Variants in FAM81B observed in about 807,000 individuals in gnomAD.
The protein encoded by FAM81B is protein FAM81B.
In FAM81B, 60 loss-of-function variants were observed where a neutral mutation model predicts 58.7. The ratio of observed to expected loss-of-function variants is 1.02; its 90% CI spans 0.83 to 1.27. The LOEUF (loss-of-function observed/expected upper bound fraction) is 1.27, where lower values mean the gene tolerates loss of function less well. Ranked by LOEUF, FAM81B falls within the 50% of genes most tolerant of loss-of-function variation. FAM81B has a pLI of 0.00. For missense variants in FAM81B, 491 were observed against 522.0 expected (o/e 0.94, Z 0.58); for synonymous variants, 189 against 179.6 (o/e 1.05, Z -0.42).
At chr5:95,432,217 C>T (rs1322120285) in intron 6 of FAM81B, among the ~76,000 whole-genome samples, 2 of 151,834 alleles carry the variant, frequency 1.3e-5, no homozygotes, top group African/African-American at 2.4e-5. Flanking sequence ...ATTATTAAAC[C>T]ATCCTTGCAT....
intron 4 of FAM81B, among the ~76,000 whole-genome samples, 163 bp downstream of exon 4, chr5:95,414,353 T>A (rs1050907630): frequency 3.9e-5 from 6 of 152,196 alleles, no homozygotes; most frequent in Admixed American, 3.3e-4. Flanking sequence ...AACAGTTCAA[T>A]TTTTCAGCTG....
In FAM81B at chr5:95,424,331, A is replaced by T. The variant is rs150139207; in HGVS notation, c.656+3929A>T. On this transcript the variant is annotated intron_variant, in intron 5 of 9. Coordinates refer to ENST00000283357, the MANE Select transcript of FAM81B (RefSeq NM_152548.3). ...CAGACAGATAATAGATACATAAAAC[A>T]TAAGCAAAAGACTAGTGAATACACT... 9.0e-4 allele frequency: 850 copies of T among 945,554 alleles called. 6 individuals are homozygous for T. The African/African-American group carries it at 0.013, about 15-fold the overall frequency. The allele number at this position is 945,554 out of a possible 1,614,324, so 58.6% of individuals were successfully genotyped here. A position where few individuals can be genotyped will look rare whatever the true frequency, so the allele number is the denominator to read the frequency against.
intron 3 of FAM81B, among the ~76,000 whole-genome samples, chr5:95,406,778 A>G (rs1762258649): frequency 6.6e-6 from 1 of 152,128 alleles, no homozygotes; most frequent in South Asian, 2.1e-4. Flanking sequence ...ACATTTATTC[A>G]ACATTTTTGT....
intron 4 of FAM81B, among the ~76,000 whole-genome samples, chr5:95,418,217 T>A (rs1762586192): frequency 6.6e-6 from 1 of 152,208 alleles, no homozygotes; most frequent in Non-Finnish European, 1.5e-5. Context: ...CAGTAGCCTG[T>A]TGGTTACCAG....
chr5:95,450,061 A>G, intron 9 of FAM81B, 88 bp from the exon 10 acceptor site: 1 of 1,404,426 alleles, frequency 7.1e-7, no homozygotes, highest in Non-Finnish European at 9.6e-7. Context: ...ATGATAATCA[A>G]TTATGGCAGG....
chr5:95,420,031 T>G (rs1249413392), intron 4 of FAM81B, among the ~76,000 whole-genome samples: 1 of 152,198 alleles, frequency 6.6e-6, no homozygotes, highest in African/African-American at 2.4e-5. Flanking sequence ...ATATAAAATC[T>G]GGATTTCTAG....
At position 95,436,803 on chromosome 5, in the gene FAM81B, A is replaced by T; in HGVS notation, c.790A>T (p.Met264Leu). Residue 264 changes from methionine (M) to leucine (L), a missense_variant, in exon 7 of 10, where the codon ATG (methionine) becomes TTG (leucine). Physicochemically the swap from Met to Leu is conservative, Grantham distance 15 (BLOSUM62 2). Transcript: ENST00000283357. ...AACCCTCTCGTACTTTGACTAGGTG[A>T]TGCAGCTCTTAGGAAAGATAGAAAC... ...TLSKNLDMKV[M>L]QLLGKIETAS... The T allele has an allele frequency of 1.2e-6, 2 of 1,608,158 alleles. No homozygotes were observed. Among genetic ancestry groups the T allele is most frequent in the Non-Finnish European group, 1.7e-6 (2 of 1,174,544 alleles).
chr5:95,436,627 G>A (rs985274971), intron 6 of FAM81B, among the ~76,000 whole-genome samples, 173 bp from the exon 7 acceptor site: 4 of 152,130 alleles, frequency 2.6e-5, no homozygotes, highest in African/African-American at 9.7e-5. Context: ...ATACTCATTT[G>A]AACACAAGGC....
intron 8 of FAM81B, among the ~76,000 whole-genome samples, chr5:95,446,952 A>T (rs74662437): frequency 0.069 from 9,269 of 133,562 alleles, 322 homozygotes; most frequent in South Asian, 0.12. Context: ...TTTTTTTTTT[A>T]AAAAAAAAAA....
intron 3 of FAM81B, among the ~76,000 whole-genome samples, chr5:95,408,146 G>T (rs1178583805): frequency 1.3e-5 from 2 of 149,678 alleles, no homozygotes; most frequent in East Asian, 3.9e-4. Context: ...AGAAAGAGAA[G>T]AATCTGATTA....
At chr5:95,402,437 C>T (rs1349377181) in intron 3 of FAM81B, among the ~76,000 whole-genome samples, 1 of 152,108 alleles carries the variant, frequency 6.6e-6, no homozygotes, top group Admixed American at 6.5e-5. Flanking sequence ...AATAGTAAAT[C>T]CCAGGCCTGA....
chr5:95,436,907 G>A lies in FAM81B; in HGVS notation c.893+1G>A, dbSNP rs768772209. On this transcript the variant is annotated splice_donor_variant, in intron 7 of 9. Transcript: ENST00000283357. LOFTEE classifies it high-confidence loss of function. ...ACGAAATGAACCTTTTGGAATTCAAGTAAGTGAATAGAAGATTTTTAATTC... is the reference window on the plus strand; with the variant it reads ...ACGAAATGAACCTTTTGGAATTCAAATAAGTGAATAGAAGATTTTTAATTC... 1 of 1,607,082 alleles carries A rather than the reference G, an allele frequency of 6.2e-7. No homozygotes were observed. Among genetic ancestry groups the A allele is most frequent in the Non-Finnish European group, 8.5e-7 (1 of 1,173,698 alleles).
chr5:95,394,022 C>A (rs138615998), intron 2 of FAM81B, among the ~76,000 whole-genome samples: 7 of 152,084 alleles, frequency 4.6e-5, no homozygotes, highest in African/African-American at 1.7e-4. Context: ...GTCTTAGATA[C>A]CTAAAAATTA....
intron 6 of FAM81B, among the ~76,000 whole-genome samples, chr5:95,431,140 CT>C: frequency 6.6e-6 from 1 of 152,080 alleles, no homozygotes; most frequent in East Asian, 1.9e-4. Flanking sequence ...TGTCATAGGT[CT>C]TTGGTTTTTG....
chr5:95,435,265 T>C lies in FAM81B; in HGVS notation c.787-1535T>C, dbSNP rs1035477155. Among the ~76,000 whole-genome samples the C allele has an allele frequency of 3.9e-5, 6 of 152,148 alleles. No homozygotes were observed. In the South Asian group the frequency reaches 1.2e-3, roughly 32 times the overall value. On this transcript the variant is annotated intron_variant, in intron 6 of 9. Transcript: ENST00000283357. ...GTGAAACACTAAAATCAAGAGTGGG[T>C]TTTTTGTTGCTTTTTTTTTACTCAA...
chr5:95,406,637 T>C (rs1168675486), intron 3 of FAM81B, among the ~76,000 whole-genome samples: 1 of 152,074 alleles, frequency 6.6e-6, no homozygotes, highest in Admixed American at 6.5e-5. Context: ...AACGGGGAGC[T>C]GGGTGGCACA....
At chr5:95,440,518 T>C in intron 7 of FAM81B, 5 of 578,254 alleles carry the variant, frequency 8.6e-6, no homozygotes, top group South Asian at 6.4e-5. Context: ...CAAAATATTA[T>C]TGGTTTTGAT....
intron 5 of FAM81B, among the ~76,000 whole-genome samples, chr5:95,427,133 T>C (rs1393065564): frequency 6.6e-6 from 1 of 152,120 alleles, no homozygotes; most frequent in African/African-American, 2.4e-5. Context: ...AACCACATTT[T>C]TAACCAGTAG....
intron 3 of FAM81B, among the ~76,000 whole-genome samples, chr5:95,412,154 T>A (rs1272617791): frequency 1.3e-5 from 2 of 152,034 alleles, no homozygotes; most frequent in African/African-American, 2.4e-5. Context: ...CTTTTTTTTT[T>A]AAGACATGAC....
Sources: gnomAD v4.1 joint callset for allele counts (sites outside exome capture counted in the v4.1 genomes callset) on GRCh38, gnomAD v4.1.1 for gene constraint, MANE v1.5 for transcripts, NCBI Gene and HGNC (gene_info 2026-07-23, HGNC 2026-07-21) for gene names.